Variants in PCCA observed in about 807,000 individuals in gnomAD.
The protein encoded by PCCA is propionyl-CoA carboxylase subunit alpha.
In PCCA, 74 loss-of-function variants were observed where a neutral mutation model predicts 101.3. The ratio of observed to expected loss-of-function variants is 0.73; its 90% CI spans 0.61 to 0.89. The LOEUF is 0.89. Ranked by LOEUF, PCCA falls within the 40% of genes least tolerant of loss-of-function variation. The probability of loss-of-function intolerance (pLI) is 0.00; values close to 1 mark genes in which losing one functional copy is unlikely to be tolerated. For missense variants in PCCA, 891 were observed against 907.0 expected, an observed-to-expected ratio of 0.98 and a Z score of 0.23; for synonymous variants, 294 against 313.6, an observed-to-expected ratio of 0.94 and a Z score of 0.66.
chr13:100,517,481 C>G (rs1265881562), intron 22 of PCCA, among the ~76,000 whole-genome samples: 1 of 152,116 alleles, frequency 6.6e-6, no homozygotes, highest in Non-Finnish European at 1.5e-5. Context: ...TTAAAAACAC[C>G]CACCAATAAT....
chr13:100,248,754 CT>C (rs889662353), intron 8 of PCCA, among the ~76,000 whole-genome samples: 29 of 150,942 alleles, frequency 1.9e-4, no homozygotes, highest in Admixed American at 2.6e-4. Flanking sequence ...TGTCTTTATT[CT>C]TTTTTTTTGA....
chr13:100,090,239 T>TA (rs1311837911), intron 1 of PCCA, among the ~76,000 whole-genome samples: 3 of 152,240 alleles, frequency 2.0e-5, no homozygotes, highest in Admixed American at 2.0e-4. Flanking sequence ...GTGGGCAGTA[T>TA]GAGAGCTGGA....
intron 21 of PCCA, chr13:100,479,398 G>A (rs1261183158): frequency 6.6e-5 from 10 of 152,170 alleles, no homozygotes; most frequent in African/African-American, 1.9e-4. Flanking sequence ...AGAAATCTAC[G>A]GATACCTTCT....
intron 19 of PCCA, among the ~76,000 whole-genome samples, chr13:100,390,562 GA>G (rs1377372250): frequency 1.4e-4 from 21 of 152,204 alleles, no homozygotes; most frequent in African/African-American, 4.8e-4. Context: ...AGGATGGGCA[GA>G]GGAAGAAGAA....
chr13:100,238,717 C>G (rs922919718), intron 8 of PCCA, among the ~76,000 whole-genome samples: 1 of 152,142 alleles, frequency 6.6e-6, no homozygotes, highest in Non-Finnish European at 1.5e-5. Flanking sequence ...GTGCTACTTT[C>G]TAAAGTAAAT....
chr13:100,367,387 C>T (rs748704843), intron 18 of PCCA, among the ~76,000 whole-genome samples: 2 of 151,650 alleles, frequency 1.3e-5, no homozygotes, highest in Non-Finnish European at 2.9e-5. Context: ...TGTAAGTTTC[C>T]AAGATGAGGA....
chr13:100,093,448 A>G (rs992509208), intron 1 of PCCA, among the ~76,000 whole-genome samples: 1 of 152,238 alleles, frequency 6.6e-6, no homozygotes, highest in Non-Finnish European at 1.5e-5. Context: ...AAGAAATTTC[A>G]AGAAGTAGTT....
intron 16 of PCCA, among the ~76,000 whole-genome samples, chr13:100,326,431 A>T (rs1262873863): frequency 6.6e-6 from 1 of 152,178 alleles, no homozygotes; most frequent in East Asian, 1.9e-4. Flanking sequence ...ATTATTCAAG[A>T]CTGCTATTGA....
At chr13:100,396,681 C>T (rs959017951) in intron 19 of PCCA, among the ~76,000 whole-genome samples, 23 of 152,138 alleles carry the variant, frequency 1.5e-4, no homozygotes, top group African/African-American at 5.6e-4. Context: ...AATGTGCCAA[C>T]ATATATTAGC....
chr13:100,339,666 A>G (rs1228421119), intron 17 of PCCA, among the ~76,000 whole-genome samples: 1 of 152,214 alleles, frequency 6.6e-6, no homozygotes, highest in Admixed American at 6.5e-5. Context: ...GAGAAGCAGA[A>G]GAATCACGGC....
intron 7 of PCCA, among the ~76,000 whole-genome samples, chr13:100,222,232 A>C (rs1460663547): frequency 6.6e-6 from 1 of 151,468 alleles, no homozygotes; most frequent in Non-Finnish European, 1.5e-5. Flanking sequence ...GTAATTAGTA[A>C]TTTTTTAGTA....
intron 20 of PCCA, among the ~76,000 whole-genome samples, chr13:100,443,175 T>C (rs2152919300): frequency 6.6e-6 from 1 of 152,188 alleles, no homozygotes; most frequent in South Asian, 2.1e-4. Flanking sequence ...GCACCGTCTG[T>C]TTCTATGGGG....
At chr13:100,393,180 C>G (rs1001890365) in intron 19 of PCCA, among the ~76,000 whole-genome samples, 1 of 152,070 alleles carries the variant, frequency 6.6e-6, no homozygotes, top group Non-Finnish European at 1.5e-5. Context: ...GAAAAAAACA[C>G]GATTGCTCAA....
At chr13:100,347,127 G>A (rs184376833) in intron 18 of PCCA, among the ~76,000 whole-genome samples, 4 of 152,212 alleles carry the variant, frequency 2.6e-5, no homozygotes, top group African/African-American at 7.2e-5. Flanking sequence ...CGCCTGCCTC[G>A]GCCATCCAAA....
rs141125807 is a variant in PCCA at position 100,252,981 on chromosome 13, C to G, written c.638-4614C>G. Among the ~76,000 whole-genome samples the G allele has an allele frequency of 4.5e-4, 69 of 152,262 alleles. 3 individuals are homozygous for G. In the East Asian group the frequency reaches 0.013, roughly 29 times the overall value. ...GTTCCTTCTGTCTGGACTCATCCCC[C>G]CTCACTGATTTTCAGAGTGCTCGCT... On this transcript the variant is annotated intron_variant, in intron 8 of 23. Transcript: ENST00000376285.
rs556534188 is a variant in PCCA, at chr13:100,349,024, C to T, written c.1643+8765C>T. On this transcript the variant is annotated intron_variant, in intron 18 of 23. Coordinates refer to ENST00000376285, the MANE Select transcript of PCCA (RefSeq NM_000282.4). ...GTGGTGTGATCTTGGCTCACTACAG[C>T]CTCTGCCCGCTGGGCTCAAGCAGTT... Among the ~76,000 whole-genome samples the T allele has an allele frequency of 1.4e-4, 21 of 152,050 alleles. No homozygotes were observed. In the South Asian group the frequency reaches 3.9e-3, roughly 29 times the overall value.
chr13:100,168,605 A>C (rs921590076), intron 6 of PCCA, among the ~76,000 whole-genome samples: 11 of 152,200 alleles, frequency 7.2e-5, no homozygotes, highest in African/African-American at 2.4e-4. Flanking sequence ...AAAATATTCA[A>C]GTTCTACCTA....
In PCCA at chr13:100,122,526, T is replaced by C. The variant is rs116864953; in HGVS notation, c.300+10465T>C. 3.0e-3 allele frequency among the ~76,000 whole-genome samples: 453 copies of C among 152,318 alleles called. 1 individual carries two copies. The highest frequency in any genetic ancestry group is 0.017 in the Middle Eastern group (5 of 294). On this transcript the variant is annotated intron_variant, in intron 4 of 23. Coordinates refer to ENST00000376285, the MANE Select transcript of PCCA (RefSeq NM_000282.4). ...TTTACTTATTGTAGGTTTTTTCAGA[T>C]ATTCTGTTTCTTTAATCAGTGTCTG...
intron 21 of PCCA, among the ~76,000 whole-genome samples, chr13:100,472,032 T>G (rs1361993895): frequency 6.6e-6 from 1 of 151,954 alleles, no homozygotes; most frequent in African/African-American, 2.4e-5. Flanking sequence ...AAAGGAAGGG[T>G]CTTGAAAGCA....
Sources: gnomAD v4.1 joint callset for allele counts (sites outside exome capture counted in the v4.1 genomes callset) on GRCh38, gnomAD v4.1.1 for gene constraint, MANE v1.5 for transcripts, NCBI Gene and HGNC (gene_info 2026-07-23, HGNC 2026-07-21) for gene names.